The following HKDC1 variants were observed in gnomAD, a reference collection of about 807,000 sequenced individuals.
HKDC1 encodes hexokinase HKDC1.
HKDC1 carries 66 observed loss-of-function variants against 96.6 expected under a neutral mutation model. The ratio of observed to expected loss-of-function variants is 0.68; its 90% CI spans 0.56 to 0.84. HKDC1 has a LOEUF of 0.84. HKDC1 is among the 40% of genes least tolerant of loss of function. The pLI is 0.00. For missense variants in HKDC1, 1,211 were observed against 1,208.1 expected (o/e 1.00, Z -0.04); for synonymous variants, 466 against 473.1 (o/e 0.98, Z 0.20).
At chr10:69,257,172 T>C (rs770021108) in intron 13 of HKDC1, 41 bp downstream of exon 13, 3 of 1,566,324 alleles carry the variant, frequency 1.9e-6, no homozygotes, top group Admixed American at 1.7e-5. Context: ...TCTTGCTGCC[T>C]TCCCCAGGCC....
At chr10:69,243,079 A>C in intron 6 of HKDC1, 103 bp from the exon 7 acceptor site, 1 of 1,173,054 alleles carries the variant, frequency 8.5e-7, no homozygotes, top group Non-Finnish European at 1.2e-6. Context: ...AATGAAAAGC[A>C]CTTTGTGGTA....
chr10:69,261,352 G>C, intron 16 of HKDC1, 58 bp downstream of exon 16: 1 of 1,552,518 alleles, frequency 6.4e-7, no homozygotes. Flanking sequence ...CCACCACGCT[G>C]GGGTTGGGCC....
At chr10:69,244,215 A>G (rs573448636) in intron 7 of HKDC1, among the ~76,000 whole-genome samples, 128 of 152,284 alleles carry the variant, frequency 8.4e-4, no homozygotes, top group African/African-American at 3.0e-3. Flanking sequence ...TCCTTTTGAC[A>G]TGTTCCATCA....
intron 16 of HKDC1, among the ~76,000 whole-genome samples, chr10:69,262,990 C>G (rs891292903): frequency 2.0e-5 from 3 of 152,030 alleles, no homozygotes; most frequent in Non-Finnish European, 4.4e-5. Context: ...ACTCTTATGC[C>G]ACCAGAAAGA....
chr10:69,243,499 CTT>C (rs5785905), intron 7 of HKDC1, 134 bp downstream of exon 7: 11,199 of 513,620 alleles, frequency 0.022, no homozygotes, highest in South Asian at 0.027. Context: ...TTTCTTTTTC[CTT>C]TTTTTTTTTT....
rs115300642 is a variant in HKDC1, at chr10:69,252,260, C to G, written c.1836+1608C>G. Reference sequence around the variant, plus strand: ...GGTGTGGTGGCTCATCTCTGTAATCCTAGCACTTTGGGAGGTCGACATGGA... The same window carrying G: ...GGTGTGGTGGCTCATCTCTGTAATCGTAGCACTTTGGGAGGTCGACATGGA... On this transcript the variant is annotated intron_variant, in intron 12 of 17. Transcript: ENST00000354624. Among the ~76,000 whole-genome samples the G allele has an allele frequency of 6.5e-3, 994 of 152,130 alleles. 11 individuals carry two copies. Among genetic ancestry groups the G allele is most frequent in the African/African-American group, 0.023 (944 of 41,516 alleles).
At chr10:69,240,887 T>G in intron 6 of HKDC1, 136 bp downstream of exon 6, 1 of 618,420 alleles carries the variant, frequency 1.6e-6, no homozygotes, top group Non-Finnish European at 2.9e-6. Flanking sequence ...ACATGAAAAA[T>G]TCATTCATTC....
chr10:69,265,889 C>A, intron 17 of HKDC1, 71 bp downstream of exon 17: 1 of 1,091,310 alleles, frequency 9.2e-7, no homozygotes, highest in Non-Finnish European at 1.4e-6. Context: ...CTTGGCATAG[C>A]CTCCTGAACT....
chr10:69,263,328 G>T (rs993947459), intron 16 of HKDC1, among the ~76,000 whole-genome samples: 1 of 152,044 alleles, frequency 6.6e-6, no homozygotes, highest in Non-Finnish European at 1.5e-5. Context: ...TGAATTCCTG[G>T]GCTCAAGCCA....
chr10:69,252,814 T>TAAAAAC (rs966806391), intron 12 of HKDC1, among the ~76,000 whole-genome samples: 42 of 151,684 alleles, frequency 2.8e-4, no homozygotes, highest in Middle Eastern at 3.4e-3. Context: ...CCATCTCTAT[T>TAAAAAC]AAAAACAAAA....
chr10:69,265,783 G>T lies in HKDC1; in HGVS notation c.2571G>T (p.Val857=). The T allele has an allele frequency of 6.2e-7, 1 of 1,613,370 alleles. No individual in the cohort carries two copies. Among genetic ancestry groups the T allele is most frequent in the South Asian group, 1.1e-5 (1 of 91,032 alleles). Residue 857 remains valine, a synonymous_variant, in exon 17 of 18, where the codon GTG becomes GTT. Coordinates refer to ENST00000354624, the MANE Select transcript of HKDC1 (RefSeq NM_025130.4). The part of the protein sequence containing the change: ...DQGLEHLRIT[V]GVDGTLYKLH... ...GGCTAGAGCACCTGAGGATCACTGT[G>T]GGTGTGGACGGCACCCTGTACAAGC... is the stretch of plus-strand genomic sequence containing the variant.
chr10:69,241,576 C>T (rs1481275074), intron 6 of HKDC1, among the ~76,000 whole-genome samples: 4 of 152,148 alleles, frequency 2.6e-5, no homozygotes, highest in Admixed American at 2.6e-4. Flanking sequence ...CTCTGCCTCC[C>T]AGGCTCAAGC....
rs868031363 is a variant in HKDC1, at chr10:69,245,421, C to T, written c.876-658C>T. Among the ~76,000 whole-genome samples, 15 of 148,088 alleles carry T rather than the reference C, an allele frequency of 1.0e-4. No homozygotes were observed. The East Asian group carries it at 1.8e-3, about 17-fold the overall frequency. On this transcript the variant is annotated intron_variant, in intron 7 of 17. Transcript: ENST00000354624. Reference sequence around the variant, plus strand: ...GCAACATAATTAGATCCTGTCTCTACGAAAATAAAAAAATTAGCCAGGTGT... The same window carrying T: ...GCAACATAATTAGATCCTGTCTCTATGAAAATAAAAAAATTAGCCAGGTGT...
chr10:69,222,712 G>C (rs560112787), intron 1 of HKDC1, among the ~76,000 whole-genome samples: 36 of 152,246 alleles, frequency 2.4e-4, no homozygotes, highest in African/African-American at 7.0e-4. Flanking sequence ...GCCGGGAGCT[G>C]ACCTCCCTCT....
chr10:69,250,787 G>A (rs1843630062), intron 12 of HKDC1, 135 bp downstream of exon 12: 1 of 919,926 alleles, frequency 1.1e-6, no homozygotes, highest in Admixed American at 2.4e-5. Context: ...ACACATGATA[G>A]AGAATTTCAA....
intron 4 of HKDC1, among the ~76,000 whole-genome samples, chr10:69,236,436 T>C (rs7904936): frequency 0.51 from 77,005 of 150,998 alleles, 20,702 homozygotes; most frequent in East Asian, 0.76. Context: ...AGTGTCATAT[T>C]ACAATAAAGA....
At position 69,257,353 on chromosome 10, in the gene HKDC1, C is replaced by G. The variant is rs201101555; in HGVS notation, c.1959C>G (p.Val653=). 29 of 1,613,656 alleles carry G rather than the reference C, an allele frequency of 1.8e-5. No homozygotes were observed. Among genetic ancestry groups the G allele is most frequent in the Non-Finnish European group, 2.5e-5 (29 of 1,179,770 alleles). Residue 653 remains valine, a synonymous_variant, in exon 14 of 18, where the codon GTC becomes GTG. Coordinates refer to ENST00000354624, the MANE Select transcript of HKDC1 (RefSeq NM_025130.4). ...RNEFDLDIVA[V]VNDTVGTMMT... ...AGTTTGACCTGGACATTGTTGCAGT[C>G]GTGAATGATACAGTGGGGACCATGA...
In HKDC1 at chr10:69,266,827, A is replaced by G; in HGVS notation, c.*70A>G. 2 of 1,508,952 alleles carry G rather than the reference A, an allele frequency of 1.3e-6. No homozygotes were observed. The highest frequency in any genetic ancestry group is 9.0e-7 in the Non-Finnish European group (1 of 1,113,354). The allele number at this position is 1,508,952 out of a possible 1,614,324, so 93.5% of individuals were successfully genotyped here. A position where few individuals can be genotyped will look rare whatever the true frequency, so the allele number is the denominator to read the frequency against. ...TTTTCCTCTGGCAGATCAGTTGGTC[A>G]GAGACCAATGGGCACCCTCCTGGCT... On this transcript the variant is annotated 3_prime_UTR_variant, in exon 18 of 18. Coordinates refer to ENST00000354624, the MANE Select transcript of HKDC1 (RefSeq NM_025130.4).
At chr10:69,233,459 T>C (rs1843306544) in intron 4 of HKDC1, among the ~76,000 whole-genome samples, 1 of 152,098 alleles carries the variant, frequency 6.6e-6, no homozygotes, top group Admixed American at 6.6e-5. Flanking sequence ...AAGGAGGCCC[T>C]AAATTCGCCT....
Sources: allele counts gnomAD v4.1 joint callset (sites outside exome capture counted in the v4.1 genomes callset), GRCh38; gene constraint gnomAD v4.1.1; transcripts MANE v1.5; gene names NCBI Gene and HGNC (gene_info 2026-07-23, HGNC 2026-07-21).